The following ADGRB1 variants were observed in gnomAD, a reference collection of about 807,000 sequenced individuals.
ADGRB1 encodes the protein brain-specific angiogenesis inhibitor 1.
Under a neutral mutation model 175.7 loss-of-function variants are expected in ADGRB1, and 36 were observed. The ratio of observed to expected loss-of-function variants is 0.20; its 90% CI spans 0.16 to 0.27. ADGRB1 has a LOEUF of 0.27. Ranked by LOEUF, ADGRB1 falls within the 10% of genes least tolerant of loss-of-function variation. The pLI is 1.00. For missense variants in ADGRB1, 1,731 were observed against 2,255.3 expected (o/e 0.77, Z 4.71); for synonymous variants, 1,054 against 979.4 (o/e 1.08, Z -1.42).
chr8:142,450,858 G>A (rs1563668342), intron 1 of ADGRB1, among the ~76,000 whole-genome samples: 1 of 152,126 alleles, frequency 6.6e-6, no homozygotes, highest in African/African-American at 2.4e-5. Flanking sequence ...CCACTGGGTC[G>A]GACAGGCCGC....
chr8:142,464,177 C>A lies in ADGRB1; in HGVS notation c.-22C>A, dbSNP rs1382592725. 7.9e-7 allele frequency: 1 copy of A among 1,258,200 alleles called. No homozygotes were observed. Among genetic ancestry groups the A allele is most frequent in the Non-Finnish European group, 9.9e-7 (1 of 1,006,388 alleles). 77.9% of individuals were successfully genotyped at this position (1,258,200 alleles called of 1,614,324 possible). ...CGCCTGCCTGCCCAGCCCGCGGAAC[C>A]CCGGCGGCCCCGCGAGCTAGGATGA... On this transcript the variant is annotated 5_prime_UTR_variant, in exon 2 of 31. Coordinates refer to ENST00000517894, the MANE Select transcript of ADGRB1 (RefSeq NM_001702.3).
chr8:142,455,233 T>C lies in ADGRB1; in HGVS notation c.-220+5129T>C, dbSNP rs1396572348. On this transcript the variant is annotated intron_variant, in intron 1 of 30. Coordinates refer to ENST00000517894, the MANE Select transcript of ADGRB1 (RefSeq NM_001702.3). The surrounding 1 kb of genome is among the most constrained non-coding windows in gnomAD (Gnocchi z 4.9). ...CCCAACACCAAAGCCAACAAACACCTTCCCCCCATCACTCCCACTCGCCTC... is the reference window on the plus strand; with the variant it reads ...CCCAACACCAAAGCCAACAAACACCCTCCCCCCATCACTCCCACTCGCCTC... Among the ~76,000 whole-genome samples the C allele has an allele frequency of 6.8e-6, 1 of 147,550 alleles. No homozygotes were observed. The highest frequency in any genetic ancestry group is 1.5e-5 in the Non-Finnish European group (1 of 66,932).
intron 24 of ADGRB1, among the ~76,000 whole-genome samples, chr8:142,529,455 TGGA>T (rs1271073992): frequency 2.6e-5 from 4 of 152,154 alleles, no homozygotes; most frequent in East Asian, 3.9e-4. Context: ...GTACTGAGTG[TGGA>T]GTTCTCTGCC....
At position 142,492,446 on chromosome 8, in the gene ADGRB1, G is replaced by C. The variant is rs1438474251; in HGVS notation, c.2675+1631G>C. 6.6e-6 allele frequency among the ~76,000 whole-genome samples: 1 copy of C among 152,198 alleles called. No individual in the cohort carries two copies. Among genetic ancestry groups the C allele is most frequent in the Admixed American group, 6.5e-5 (1 of 15,288 alleles). The stretch of plus-strand genomic sequence containing the variant: ...GCTAGCAGGGTCTGGATGCGGGTGG[G>C]GAGGGGCCTTTGCAAGCAGGGTCAT... On this transcript the variant is annotated intron_variant, in intron 17 of 30. Coordinates refer to ENST00000517894, the MANE Select transcript of ADGRB1 (RefSeq NM_001702.3). The surrounding 1 kb of genome is among the most constrained non-coding windows in gnomAD (Gnocchi z 4.4).
At chr8:142,454,248 C>T (rs1446629632) in intron 1 of ADGRB1, among the ~76,000 whole-genome samples, 4 of 152,256 alleles carry the variant, frequency 2.6e-5, no homozygotes, top group South Asian at 4.1e-4. Flanking sequence ...AGTGGGCGGG[C>T]GGCAGCCAGC....
intron 6 of ADGRB1, 106 bp from the exon 7 acceptor site, chr8:142,478,081 G>T: frequency 3.4e-6 from 5 of 1,453,224 alleles, no homozygotes; most frequent in Non-Finnish European, 4.7e-6. Flanking sequence ...CTATGTCCCA[G>T]GCTGGGTGTG....
chr8:142,477,226 C>T lies in ADGRB1; in HGVS notation c.1170C>T (p.Cys390=). Residue 390 remains cysteine (C), a synonymous_variant, in exon 5 of 31, where the codon TGC becomes TGT. Transcript: ENST00000517894. ...TGTCCTCCTCCTACAGCACGCAGTG[C>T]AGCGGACCCCTGCGCGAGCAGCGGC... is the stretch of plus-strand genomic sequence containing the variant. ...FCVSSSYSTQ[C]SGPLREQRLC... The T allele has an allele frequency of 6.3e-7, 1 of 1,598,740 alleles. No individual in the cohort carries two copies. The highest frequency in any genetic ancestry group is 8.5e-7 in the Non-Finnish European group (1 of 1,176,226).
chr8:142,460,141 G>A (rs1018500255), intron 1 of ADGRB1, among the ~76,000 whole-genome samples: 1 of 152,278 alleles, frequency 6.6e-6, no homozygotes, highest in East Asian at 1.9e-4. Context: ...CTCTCTGCCC[G>A]CCTGGGCCTG....
intron 17 of ADGRB1, among the ~76,000 whole-genome samples, chr8:142,503,861 G>A (rs1281085159): frequency 6.6e-6 from 1 of 152,176 alleles, no homozygotes; most frequent in Non-Finnish European, 1.5e-5. Flanking sequence ...ACTCAGTGTG[G>A]CGGCGCCAGG....
At chr8:142,526,965 C>T (rs1419054968) in intron 24 of ADGRB1, among the ~76,000 whole-genome samples, 3 of 152,100 alleles carry the variant, frequency 2.0e-5, no homozygotes, top group South Asian at 2.1e-4. Flanking sequence ...GGGTCCCTGG[C>T]CCCCCACTCC....
At chr8:142,535,031 C>T (rs1783082817) in intron 25 of ADGRB1, among the ~76,000 whole-genome samples, 3 of 152,158 alleles carry the variant, frequency 2.0e-5, no homozygotes, top group Admixed American at 2.0e-4. Flanking sequence ...GAAACAAGAA[C>T]AGTAGCCTAT....
In ADGRB1 at chr8:142,510,563, G is replaced by C. The variant is rs1843036089; in HGVS notation, c.2676-369G>C. Among the ~76,000 whole-genome samples the C allele has an allele frequency of 6.7e-6, 1 of 148,566 alleles. No individual in the cohort carries two copies. The highest frequency in any genetic ancestry group is 2.1e-4 in the South Asian group (1 of 4,806). On this transcript the variant is annotated intron_variant, in intron 17 of 30. Coordinates refer to ENST00000517894, the MANE Select transcript of ADGRB1 (RefSeq NM_001702.3). This position sits in a 1 kb window ranked among gnomAD's most constrained non-coding sequence, Gnocchi z 6.3. The stretch of plus-strand genomic sequence containing the variant: ...CGGGCCTCCCCCTCCTTCCCGCGCG[G>C]GCCGGGGGCGCGGGCCCCGGAGGAG...
chr8:142,463,912 C>A, intron 1 of ADGRB1, 68 bp from the exon 2 acceptor site: 1 of 301,046 alleles, frequency 3.3e-6, no homozygotes, highest in Non-Finnish European at 6.1e-6. Context: ...CTGAGAGAGC[C>A]CACCCCCATG....
chr8:142,473,265 G>A (rs1840761787), intron 2 of ADGRB1, among the ~76,000 whole-genome samples: 1 of 152,158 alleles, frequency 6.6e-6, no homozygotes, highest in African/African-American at 2.4e-5. Context: ...CGAGGGGGGT[G>A]CCGCAGGACG....
At chr8:142,485,246 G>A (rs968809750) in intron 13 of ADGRB1, among the ~76,000 whole-genome samples, 1 of 152,242 alleles carries the variant, frequency 6.6e-6, no homozygotes, top group Non-Finnish European at 1.5e-5. Flanking sequence ...AGAGACTGAT[G>A]AGACGAGTGA....
chr8:142,539,436 G>A, intron 27 of ADGRB1, 23 bp downstream of exon 27: 1 of 1,600,024 alleles, frequency 6.2e-7, no homozygotes, highest in Non-Finnish European at 8.5e-7. Context: ...CAGGTGAGAG[G>A]ACAGTGCCAG....
chr8:142,455,475 C>T lies in ADGRB1; in HGVS notation c.-220+5371C>T, dbSNP rs1024671172. On this transcript the variant is annotated intron_variant, in intron 1 of 30. Coordinates refer to ENST00000517894, the MANE Select transcript of ADGRB1 (RefSeq NM_001702.3). This position sits in a 1 kb window ranked among gnomAD's most constrained non-coding sequence, Gnocchi z 4.9. The stretch of plus-strand genomic sequence containing the variant: ...TCGCTGTCAGGCCCCCAACCACTTG[C>T]CTTCCTGGGAGAGGAGCATGCGGCA... Among the ~76,000 whole-genome samples the T allele has an allele frequency of 6.6e-6, 1 of 152,200 alleles. No individual in the cohort carries two copies. Among genetic ancestry groups the T allele is most frequent in the African/African-American group, 2.4e-5 (1 of 41,464 alleles).
rs769771106 is a variant in ADGRB1, at chr8:142,492,574, G to T, written c.2675+1759G>T. On this transcript the variant is annotated intron_variant, in intron 17 of 30. Transcript: ENST00000517894. This position sits in a 1 kb window ranked among gnomAD's most constrained non-coding sequence, Gnocchi z 4.4. The stretch of plus-strand genomic sequence containing the variant: ...CGTCGCAGGGGAAGGAGCAGCCGGG[G>T]CAAAGGCCTCAAGGTGGGATTGGCA... 7.9e-5 allele frequency among the ~76,000 whole-genome samples: 12 copies of T among 152,108 alleles called. No individual in the cohort carries two copies. The highest frequency in any genetic ancestry group is 1.5e-4 in the Non-Finnish European group (10 of 68,012).
intron 11 of ADGRB1, 116 bp from the exon 12 acceptor site, chr8:142,483,861 C>T (rs1841520890): frequency 9.1e-7 from 1 of 1,094,324 alleles, no homozygotes; most frequent in African/African-American, 1.6e-5. Context: ...AGCCCTGATC[C>T]TGGTCACATA....
Sources: allele counts gnomAD v4.1 joint callset (sites outside exome capture counted in the v4.1 genomes callset), GRCh38; gene constraint gnomAD v4.1.1; non-coding constraint Gnocchi (gnomAD v3.1); transcripts MANE v1.5; gene names NCBI Gene and HGNC (gene_info 2026-07-23, HGNC 2026-07-21).